PTPN4: variants seen among roughly 807,000 people sequenced by gnomAD.
PTPN4 encodes the protein protein tyrosine phosphatase non-receptor type 4, also known as tyrosine-protein phosphatase non-receptor type 4.
Under a neutral mutation model 135.5 loss-of-function variants are expected in PTPN4, and 49 were observed. The observed-to-expected ratio is 0.36, with a 90% CI of 0.29 to 0.46. The LOEUF (loss-of-function observed/expected upper bound fraction) is 0.46. PTPN4 is among the 20% of genes least tolerant of loss of function. PTPN4 has a pLI of 1.00. For synonymous variants in PTPN4, 333 were observed against 369.9 expected (o/e 0.90, Z 1.14); for missense variants, 860 against 1,101.0 (o/e 0.78, Z 3.10).
chr2:119,879,049 C>A (rs1490869197), intron 5 of PTPN4, among the ~76,000 whole-genome samples: 2 of 149,636 alleles, frequency 1.3e-5, no homozygotes, highest in Non-Finnish European at 1.5e-5. Context: ...GCCGAGATCA[C>A]GCCACTGCAC....
chr2:119,882,915 T>C (rs964248353), intron 8 of PTPN4, among the ~76,000 whole-genome samples: 1 of 152,302 alleles, frequency 6.6e-6, no homozygotes, highest in African/African-American at 2.4e-5. Flanking sequence ...AGTCACAATA[T>C]AGAGATCAGT....
chr2:119,927,358 C>CA (rs983254238), intron 13 of PTPN4, among the ~76,000 whole-genome samples: 14 of 151,878 alleles, frequency 9.2e-5, no homozygotes, highest in African/African-American at 2.9e-4. Context: ...TGATCCCCCC[C>CA]ACCTTGGCCT....
At chr2:119,897,765 C>T (rs1678346053) in intron 9 of PTPN4, among the ~76,000 whole-genome samples, 3 of 152,268 alleles carry the variant, frequency 2.0e-5, no homozygotes, top group Middle Eastern at 6.8e-3. Flanking sequence ...ATAGTTAAAG[C>T]TCATCACAAA....
chr2:119,907,942 A>G (rs1678513353), intron 10 of PTPN4, among the ~76,000 whole-genome samples: 1 of 152,190 alleles, frequency 6.6e-6, no homozygotes, highest in African/African-American at 2.4e-5. Context: ...GTATATAAAA[A>G]ATCAGCTCCA....
chr2:119,922,230 A>G (rs1283425516), intron 12 of PTPN4, among the ~76,000 whole-genome samples: 1 of 142,278 alleles, frequency 7.0e-6, no homozygotes, highest in African/African-American at 3.1e-5. Flanking sequence ...AAAAAAAAAA[A>G]AAAAAAAAAA....
chr2:119,921,701 G>A (rs922323530), intron 12 of PTPN4, among the ~76,000 whole-genome samples: 2 of 151,894 alleles, frequency 1.3e-5, no homozygotes, highest in Non-Finnish European at 2.9e-5. Flanking sequence ...CAAATAGATG[G>A]AAGGAGAGAG....
At chr2:119,922,633 A>G (rs1456693916) in intron 12 of PTPN4, among the ~76,000 whole-genome samples, 1 of 152,144 alleles carries the variant, frequency 6.6e-6, no homozygotes, top group African/African-American at 2.4e-5. Flanking sequence ...ATATCTCTGT[A>G]GTTTTCTTTC....
At chr2:119,900,832 T>G in intron 10 of PTPN4, 26 bp downstream of exon 10, 1 of 1,287,894 alleles carries the variant, frequency 7.8e-7, no homozygotes, top group Non-Finnish European at 1.1e-6. Flanking sequence ...GATACTTTTA[T>G]GTTTACCACT....
At chr2:119,952,234 C>T (rs563698863) in intron 19 of PTPN4, 105 bp downstream of exon 19, 4 of 1,113,974 alleles carry the variant, frequency 3.6e-6, no homozygotes, top group East Asian at 5.6e-5. Context: ...ACCTAAGTTT[C>T]CTGCTCAAAG....
intron 10 of PTPN4, 123 bp from the exon 11 acceptor site, chr2:119,915,054 ATG>A: frequency 1.4e-6 from 1 of 720,314 alleles, no homozygotes; most frequent in Non-Finnish European, 2.0e-6. Flanking sequence ...TTTATGTACT[ATG>A]TGTATGTATA....
chr2:119,910,568 T>A (rs1558761840), intron 10 of PTPN4, among the ~76,000 whole-genome samples: 1 of 152,170 alleles, frequency 6.6e-6, no homozygotes, highest in Admixed American at 6.6e-5. Flanking sequence ...AATCTCACCT[T>A]GACTTGTAGT....
chr2:119,953,403 G>A (rs934384131), intron 19 of PTPN4, among the ~76,000 whole-genome samples: 1 of 152,008 alleles, frequency 6.6e-6, no homozygotes, highest in Admixed American at 6.6e-5. Flanking sequence ...ACAAATAGGC[G>A]TTTTCATTTT....
intron 18 of PTPN4, among the ~76,000 whole-genome samples, chr2:119,946,936 A>G (rs1052157966): frequency 1.3e-5 from 2 of 152,104 alleles, no homozygotes; most frequent in South Asian, 2.1e-4. Context: ...ATACTTGCCT[A>G]TGCACTCCTT....
intron 1 of PTPN4, among the ~76,000 whole-genome samples, chr2:119,765,583 A>G (rs1417571127): frequency 6.6e-6 from 1 of 152,246 alleles, no homozygotes; most frequent in Non-Finnish European, 1.5e-5. Context: ...ATGTTAAGCA[A>G]ACATTTGAAA....
intron 10 of PTPN4, among the ~76,000 whole-genome samples, chr2:119,909,765 A>T (rs1472246954): frequency 6.6e-6 from 1 of 152,146 alleles, no homozygotes; most frequent in Non-Finnish European, 1.5e-5. Context: ...AGCAACGTTA[A>T]CCGGAATTTT....
Position 119,783,340 on chromosome 2 carries a change from TTC to T in PTPN4, c.-18+22961_-18+22962del, listed in dbSNP as rs535995631. Among the ~76,000 whole-genome samples the T allele has an allele frequency of 2.6e-3, 403 of 152,348 alleles. 2 individuals carry two copies. The highest frequency in any genetic ancestry group is 4.2e-3 in the Non-Finnish European group (283 of 68,040). On this transcript the variant is annotated intron_variant, in intron 1 of 26. Coordinates refer to ENST00000263708, the MANE Select transcript of PTPN4 (RefSeq NM_002830.4). ...TCACCAACATACATGAGCAGGGTTA[TTC>T]TCTCATTTGTGAGCCCTTACTGTAA...
chr2:119,877,296 A>C, intron 3 of PTPN4, 27 bp from the exon 4 acceptor site: 1 of 1,599,762 alleles, frequency 6.3e-7, no homozygotes, highest in East Asian at 2.2e-5. Flanking sequence ...GGAAAAAAGA[A>C]ATCAGTTTTA....
At chr2:119,814,601 G>A (rs1444188798) in intron 2 of PTPN4, among the ~76,000 whole-genome samples, 2 of 152,116 alleles carry the variant, frequency 1.3e-5, no homozygotes, top group Non-Finnish European at 2.9e-5. Flanking sequence ...CACTTAAGGT[G>A]ACCACTGAAG....
intron 24 of PTPN4, among the ~76,000 whole-genome samples, chr2:119,963,879 T>G (rs1400500539): frequency 6.6e-6 from 1 of 152,180 alleles, no homozygotes; most frequent in Non-Finnish European, 1.5e-5. Flanking sequence ...TCTATTATAC[T>G]CCACCTGTAG....
Sources: allele counts gnomAD v4.1 joint callset (sites outside exome capture counted in the v4.1 genomes callset), GRCh38; gene constraint gnomAD v4.1.1; transcripts MANE v1.5; gene names NCBI Gene and HGNC (gene_info 2026-07-23, HGNC 2026-07-21).